The following VPS8 variants were observed in gnomAD, a reference collection of about 807,000 sequenced individuals.
VPS8 encodes vacuolar protein sorting-associated protein 8 homolog.
Under a neutral mutation model 216.4 loss-of-function variants are expected in VPS8, and 129 were observed. The ratio of observed to expected loss-of-function variants is 0.60; its 90% CI spans 0.52 to 0.69. The LOEUF (loss-of-function observed/expected upper bound fraction) is 0.69, where lower values mean the gene tolerates loss of function less well. VPS8 is among the 30% of genes least tolerant of loss of function. VPS8 has a pLI of 0.00. For synonymous variants in VPS8, 571 were observed against 565.4 expected (o/e 1.01, Z -0.14); for missense variants, 1,531 against 1,683.5 (o/e 0.91, Z 1.59).
chr3:184,981,428 CTTTT>C (rs67454758), intron 40 of VPS8, among the ~76,000 whole-genome samples: 3 of 68,520 alleles, frequency 4.4e-5, no homozygotes, highest in Admixed American at 1.7e-4. Flanking sequence ...GCAGTGGGTT[CTTTT>C]TTTTTTTTTT....
intron 45 of VPS8, among the ~76,000 whole-genome samples, chr3:185,003,609 C>G (rs1319872434): frequency 1.3e-5 from 2 of 151,978 alleles, no homozygotes; most frequent in Non-Finnish European, 2.9e-5. Flanking sequence ...CACCTTTCCC[C>G]CTTTTCTATT....
chr3:184,821,769 G>T (rs550981640), intron 1 of VPS8, among the ~76,000 whole-genome samples: 101 of 152,274 alleles, frequency 6.6e-4, no homozygotes, highest in African/African-American at 1.9e-3. Context: ...TTAGGTGTGT[G>T]TTAAGTGAAT....
At chr3:184,996,741 T>A (rs1402876135) in intron 44 of VPS8, among the ~76,000 whole-genome samples, 1 of 152,008 alleles carries the variant, frequency 6.6e-6, no homozygotes, top group Non-Finnish European at 1.5e-5. Context: ...GATAGAAGGA[T>A]GATGAGTTCA....
chr3:184,891,432 A>G (rs1560547803), intron 22 of VPS8, among the ~76,000 whole-genome samples: 1 of 152,238 alleles, frequency 6.6e-6, no homozygotes, highest in Non-Finnish European at 1.5e-5. Context: ...AAATTTCATC[A>G]TTAAAAGTAA....
chr3:184,849,816 A>C (rs1723914454), intron 9 of VPS8, 120 bp from the exon 10 acceptor site: 2 of 748,764 alleles, frequency 2.7e-6, no homozygotes, highest in South Asian at 3.3e-5. Flanking sequence ...TTTTAACTTT[A>C]TAGTTCTTTG....
chr3:184,951,095 C>T (rs1264051107), intron 36 of VPS8, among the ~76,000 whole-genome samples: 4 of 152,150 alleles, frequency 2.6e-5, no homozygotes, highest in African/African-American at 9.7e-5. Flanking sequence ...AATGGAATTG[C>T]TGGGTCAAAT....
At chr3:184,949,073 A>G (rs1744197470) in intron 36 of VPS8, among the ~76,000 whole-genome samples, 1 of 152,186 alleles carries the variant, frequency 6.6e-6, no homozygotes, top group Non-Finnish European at 1.5e-5. Flanking sequence ...TAGGAGGCTG[A>G]GATGGGTAGA....
intron 45 of VPS8, among the ~76,000 whole-genome samples, chr3:185,023,450 T>G (rs1290469025): frequency 2.6e-5 from 4 of 152,110 alleles, no homozygotes; most frequent in Non-Finnish European, 1.5e-5. Flanking sequence ...ATCCCAACAC[T>G]CTGGGAGGCC....
intron 36 of VPS8, among the ~76,000 whole-genome samples, chr3:184,952,791 C>T (rs964449389): frequency 6.6e-6 from 1 of 152,202 alleles, no homozygotes; most frequent in Non-Finnish European, 1.5e-5. Flanking sequence ...TGCATGTCCT[C>T]TGCCATTCGG....
intron 31 of VPS8, 112 bp downstream of exon 31, chr3:184,926,762 C>A: frequency 1.9e-6 from 2 of 1,045,300 alleles, no homozygotes; most frequent in Non-Finnish European, 2.8e-6. Context: ...TTGTGCCAAA[C>A]CCTAATACGA....
intron 27 of VPS8, 30 bp from the exon 28 acceptor site, chr3:184,915,325 A>T (rs1737348863): frequency 6.2e-7 from 1 of 1,604,388 alleles, no homozygotes; most frequent in African/African-American, 1.3e-5. Flanking sequence ...CAGGTGAGAA[A>T]ATAATCAACA....
intron 42 of VPS8, among the ~76,000 whole-genome samples, chr3:184,984,843 C>T (rs1273586708): frequency 1.3e-5 from 2 of 152,124 alleles, no homozygotes; most frequent in Non-Finnish European, 2.9e-5. Flanking sequence ...TTTAACCACA[C>T]ATTATGATAT....
At chr3:184,995,895 C>T (rs921433879) in intron 43 of VPS8, among the ~76,000 whole-genome samples, 2 of 152,144 alleles carry the variant, frequency 1.3e-5, no homozygotes, top group Admixed American at 1.3e-4. Flanking sequence ...TGAAACATTA[C>T]CACGAATGCA....
chr3:184,833,750 T>C (rs187263760), intron 4 of VPS8, among the ~76,000 whole-genome samples: 43 of 152,340 alleles, frequency 2.8e-4, no homozygotes, highest in Non-Finnish European at 5.9e-5. Context: ...TTTCTGCCTG[T>C]GCTTTTTGCC....
chr3:184,875,412 G>A (rs1729076468), intron 21 of VPS8, among the ~76,000 whole-genome samples: 1 of 151,872 alleles, frequency 6.6e-6, no homozygotes, highest in Non-Finnish European at 1.5e-5. Context: ...GACAGGTTGT[G>A]GCTTTTATTT....
At chr3:185,013,647 T>G (rs977777132) in intron 45 of VPS8, among the ~76,000 whole-genome samples, 22 of 152,232 alleles carry the variant, frequency 1.4e-4, no homozygotes, top group African/African-American at 5.3e-4. Flanking sequence ...TTAAGAGCTA[T>G]TCATAGTTTC....
At chr3:184,933,545 G>GTGTGTGTGTGTT (rs1237025169) in intron 34 of VPS8, among the ~76,000 whole-genome samples, 63 of 152,000 alleles carry the variant, frequency 4.1e-4, no homozygotes, top group African/African-American at 1.5e-3. Flanking sequence ...GTGTGTGTGT[G>GTGTGTGTGTGTT]TGTTTTTAAG....
chr3:184,842,112 G>A (rs1041980749), intron 7 of VPS8, among the ~76,000 whole-genome samples: 3 of 148,366 alleles, frequency 2.0e-5, no homozygotes, highest in Non-Finnish European at 3.0e-5. Flanking sequence ...GCGTGAACCC[G>A]GGAGGCGGAG....
intron 41 of VPS8, 96 bp from the exon 42 acceptor site, chr3:184,982,916 A>G (rs1457783858): frequency 1.1e-5 from 12 of 1,115,242 alleles, no homozygotes; most frequent in African/African-American, 1.6e-5. Context: ...AGTTTCTAAG[A>G]AGCTATATAA....
Sources: gnomAD v4.1 joint callset for allele counts (sites outside exome capture counted in the v4.1 genomes callset) on GRCh38, gnomAD v4.1.1 for gene constraint, MANE v1.5 for transcripts, NCBI Gene and HGNC (gene_info 2026-07-23, HGNC 2026-07-21) for gene names.